FAM186A: variants seen among roughly 807,000 people sequenced by gnomAD.
The protein encoded by FAM186A is protein FAM186A.
Under a neutral mutation model 216.8 loss-of-function variants are expected in FAM186A, and 163 were observed. The ratio of observed to expected loss-of-function variants is 0.75; its 90% CI spans 0.66 to 0.86. The LOEUF is 0.86. FAM186A is among the 40% of genes least tolerant of loss of function. FAM186A has a pLI of 0.00. For missense variants in FAM186A, 2,184 were observed against 2,746.2 expected (o/e 0.80, Z 4.58); for synonymous variants, 805 against 1,025.3 (o/e 0.79, Z 4.10).
rs10611207 is a variant in FAM186A at position 50,339,741 on chromosome 12, T to TACACACACAC, written c.6504-5648_6504-5639dup. Among the ~76,000 whole-genome samples, 1,007 of 148,498 alleles carry TACACACACAC rather than the reference T, an allele frequency of 6.8e-3. 13 individuals carry two copies. Among genetic ancestry groups the TACACACACAC allele is most frequent in the African/African-American group, 0.021 (827 of 40,116 alleles). On this transcript the variant is annotated intron_variant, in intron 4 of 7. Coordinates refer to ENST00000327337, the MANE Select transcript of FAM186A (RefSeq NM_001145475.3). ...TCTAAGTATTAGCCACAAAGTACTT[T>TACACACACAC]ACACACACACACACACACACACACA... is the stretch of plus-strand genomic sequence containing the variant.
rs1032864412 is a variant in FAM186A, at chr12:50,360,903, G to C, written c.436C>G (p.Leu146Val). Residue 146 changes from leucine (L) to valine (V), a missense_variant, in exon 3 of 8, where the codon CTA becomes GTA. Physicochemically the swap from Leu to Val is conservative, Grantham distance 32. Around this residue, in one of 7 missense-constraint regions of FAM186A, gnomAD observed 1,132 missense variants for 1,263.4 expected, o/e 0.90. Transcript: ENST00000327337. ...EWNDVLSEMTLMDVDEHHHWI... is the reference protein window; with the variant it reads ...EWNDVLSEMTVMDVDEHHHWI... ...TGGTGGTGTTCATCAACATCCATTA[G>C]AGTCATCTCAGACAAAACATCATCT... is the stretch of plus-strand genomic sequence containing the variant. 7.1e-6 allele frequency: 11 copies of C among 1,539,554 alleles called. No individual in the cohort carries two copies. In the African/African-American group the frequency reaches 1.5e-4, roughly 21 times the overall value.
chr12:50,333,501 C>T (rs997185883), intron 5 of FAM186A, among the ~76,000 whole-genome samples: 5 of 151,930 alleles, frequency 3.3e-5, no homozygotes, highest in Non-Finnish European at 7.4e-5. Flanking sequence ...CACTGTACTC[C>T]CTGGGAGACA....
chr12:50,382,721 A>C (rs1194454027), intron 1 of FAM186A, among the ~76,000 whole-genome samples: 1 of 151,978 alleles, frequency 6.6e-6, no homozygotes, highest in Non-Finnish European at 1.5e-5. Flanking sequence ...TAAATAAATA[A>C]ATAAAAAGCA....
chr12:50,395,137 C>T (rs748975887), intron 1 of FAM186A, among the ~76,000 whole-genome samples: 20 of 152,146 alleles, frequency 1.3e-4, no homozygotes, highest in Non-Finnish European at 2.4e-4. Context: ...CTATGTCACC[C>T]ATGCTGAGTG....
In FAM186A at chr12:50,353,508, C is replaced by A; in HGVS notation, c.3324G>T (p.Gly1108=). The change falls in exon 4 of 8, where the codon GGG becomes GGT. Residue 1108 remains glycine, a synonymous_variant. Coordinates refer to ENST00000327337, the MANE Select transcript of FAM186A (RefSeq NM_001145475.3). ...TLTLQQAQEL[G]IPLTPQQAQA... The stretch of plus-strand genomic sequence containing the variant: ...GGGCCTGCTGAGGGGTGAGAGGGAT[C>A]CCTAGTTCCTGGGCCTGCTGAAGGG... The A allele has an allele frequency of 6.5e-7, 1 of 1,538,916 alleles. No individual in the cohort carries two copies. Among genetic ancestry groups the A allele is most frequent in the Non-Finnish European group, 8.8e-7 (1 of 1,140,898 alleles).
intron 1 of FAM186A, among the ~76,000 whole-genome samples, chr12:50,365,120 T>G (rs1943075616): frequency 1.3e-5 from 2 of 151,304 alleles, no homozygotes; most frequent in African/African-American, 4.9e-5. Context: ...ATACAAATAC[T>G]ACGTAAATCA....
At chr12:50,388,534 G>T (rs935955238) in intron 1 of FAM186A, among the ~76,000 whole-genome samples, 1 of 151,442 alleles carries the variant, frequency 6.6e-6, no homozygotes, top group Non-Finnish European at 1.5e-5. Context: ...CAGGAGAATC[G>T]CTTGAACCTG....
Position 50,330,617 on chromosome 12 carries a change from T to C in FAM186A, c.6990A>G (p.Glu2330=), listed in dbSNP as rs1487936874. 6.4e-7 allele frequency: 1 copy of C among 1,550,892 alleles called. No homozygotes were observed. Among genetic ancestry groups the C allele is most frequent in the East Asian group, 2.4e-5 (1 of 40,820 alleles). Residue 2330 remains glutamate (E), a synonymous_variant, in exon 7 of 8, where the codon GAA becomes GAG. Coordinates refer to ENST00000327337, the MANE Select transcript of FAM186A (RefSeq NM_001145475.3). ...YPDIPRLLQL[E]VQSTFRKSLA... is the part of the protein sequence containing the mutation. Reference sequence around the variant, plus strand: ...GAGATTTTCGGAAGGTAGACTGCACTTCTAACTGAAGCAGCCTGGGAATAT... The same window carrying C: ...GAGATTTTCGGAAGGTAGACTGCACCTCTAACTGAAGCAGCCTGGGAATAT...
intron 6 of FAM186A, among the ~76,000 whole-genome samples, 194 bp from the exon 7 acceptor site, chr12:50,330,952 A>G (rs1039934051): frequency 1.3e-5 from 2 of 152,166 alleles, no homozygotes; most frequent in African/African-American, 4.8e-5. Flanking sequence ...CCAAAGCTGC[A>G]TTTGCATGGC....
chr12:50,391,035 T>C (rs774993033), intron 1 of FAM186A, among the ~76,000 whole-genome samples: 16 of 151,796 alleles, frequency 1.1e-4, no homozygotes, highest in Non-Finnish European at 2.4e-4. Context: ...GTTGCCCAGG[T>C]TGGAGTGTAG....
At chr12:50,346,916 GCACA>G (rs140403986) in intron 4 of FAM186A, among the ~76,000 whole-genome samples, 4 of 143,700 alleles carry the variant, frequency 2.8e-5, no homozygotes, top group African/African-American at 7.7e-5. Flanking sequence ...GGTCACACAT[GCACA>G]CACACACACA....
intron 4 of FAM186A, 124 bp downstream of exon 4, chr12:50,350,205 C>T (rs960023243): frequency 3.4e-6 from 3 of 875,994 alleles, no homozygotes; most frequent in Admixed American, 6.2e-5. Context: ...TCCCATAGAC[C>T]TTATATAAGG....
rs973904303 is a variant in FAM186A, at chr12:50,349,215, C to CT, written c.6503+1113dup. On this transcript the variant is annotated intron_variant, in intron 4 of 7. Coordinates refer to ENST00000327337, the MANE Select transcript of FAM186A (RefSeq NM_001145475.3). ...TCTAGCCTATGGTAACCATCCTTCT[C>CT]TTTTTTTTTTCCCTGAGACTGGGTC... Among the ~76,000 whole-genome samples the CT allele has an allele frequency of 4.0e-3, 590 of 148,266 alleles. 7 individuals are homozygous for CT. The highest frequency in any genetic ancestry group is 0.013 in the African/African-American group (510 of 40,370).
At chr12:50,378,100 C>T (rs1446302479) in intron 1 of FAM186A, among the ~76,000 whole-genome samples, 2 of 151,982 alleles carry the variant, frequency 1.3e-5, no homozygotes, top group South Asian at 4.1e-4. Context: ...GGCCACATGC[C>T]TGTAATCCCA....
At chr12:50,382,887 C>A (rs1280623455) in intron 1 of FAM186A, among the ~76,000 whole-genome samples, 1 of 152,042 alleles carries the variant, frequency 6.6e-6, no homozygotes, top group Non-Finnish European at 1.5e-5. Flanking sequence ...ATCCTAACAT[C>A]TCTTTGATCC....
chr12:50,352,550 C>A lies in FAM186A; in HGVS notation c.4282G>T (p.Ala1428Ser). 4 of 1,480,482 alleles carry A rather than the reference C, an allele frequency of 2.7e-6. No homozygotes were observed. Among genetic ancestry groups the A allele is most frequent in the Non-Finnish European group, 3.6e-6 (4 of 1,106,104 alleles). The allele number at this position is 1,480,482 out of a possible 1,614,324, so 91.7% of individuals were successfully genotyped here. A position where few individuals can be genotyped will look rare whatever the true frequency, so the allele number is the denominator to read the frequency against. Residue 1428 changes from alanine (A) to serine (S), a missense_variant, in exon 4 of 8, where the codon GCA becomes TCA. This residue lies in a region of FAM186A where 267 missense variants were observed against 446.2 expected (regional missense o/e 0.60). Coordinates refer to ENST00000327337, the MANE Select transcript of FAM186A (RefSeq NM_001145475.3). Reference protein sequence around the residue: ...ELGIPFTPQQAQAQEITLTPQ... With the variant: ...ELGIPFTPQQSQAQEITLTPQ... ...GTGAGAGTGATCTCCTGAGCCTGTG[C>A]CTGCTGAGGGGTGAAAGGGATCCCC...
At chr12:50,340,544 A>T (rs183848713) in intron 4 of FAM186A, among the ~76,000 whole-genome samples, 40 of 151,724 alleles carry the variant, frequency 2.6e-4, no homozygotes, top group African/African-American at 8.9e-4. Flanking sequence ...ATCCATCGCT[A>T]AAAAAAATAT....
chr12:50,354,664 T>C lies in FAM186A; in HGVS notation c.2168A>G (p.Gln723Arg), dbSNP rs981936077. Residue 723 changes from glutamine to arginine, a missense_variant, in exon 4 of 8, where the codon CAA (glutamine) becomes CGA (arginine). Physicochemically the swap from Gln to Arg is conservative, Grantham distance 43. This residue lies in a region of FAM186A where 1,132 missense variants were observed against 1,263.4 expected (regional missense o/e 0.90). Coordinates refer to ENST00000327337, the MANE Select transcript of FAM186A (RefSeq NM_001145475.3). ...TTTAGTCACAGTTTCAGCCACTTTT[T>C]GGAAATATTCCTCCATTTTTGCCTT... ...IIKAKMEEYFQKVAETVTKIL... is the reference protein window; with the variant it reads ...IIKAKMEEYFRKVAETVTKIL... 3.2e-6 allele frequency: 5 copies of C among 1,548,268 alleles called. No homozygotes were observed. In the East Asian group the frequency reaches 1.2e-4, roughly 38 times the overall value.
intron 4 of FAM186A, among the ~76,000 whole-genome samples, chr12:50,347,126 C>A (rs1348578804): frequency 1.3e-5 from 2 of 152,038 alleles, no homozygotes; most frequent in African/African-American, 4.8e-5. Flanking sequence ...CAAAAAAATT[C>A]ACTTGTTGCT....
Sources: allele counts gnomAD v4.1 joint callset (sites outside exome capture counted in the v4.1 genomes callset), GRCh38; gene constraint gnomAD v4.1.1; regional missense constraint gnomAD v4.1.1; transcripts MANE v1.5; gene names NCBI Gene and HGNC (gene_info 2026-07-23, HGNC 2026-07-21).